Variants in TNS1 observed in about 807,000 individuals in gnomAD.
The protein encoded by TNS1 is tensin-1.
In TNS1, 62 loss-of-function variants were observed where a neutral mutation model predicts 168.6. The observed-to-expected ratio is 0.37, with a 90% CI of 0.30 to 0.45. The LOEUF (loss-of-function observed/expected upper bound fraction) is 0.45, where lower values mean the gene tolerates loss of function less well. TNS1 is among the 20% of genes least tolerant of loss of function. TNS1 has a pLI of 1.00. For synonymous variants in TNS1, 934 were observed against 933.2 expected, an observed-to-expected ratio of 1.00 and a Z score of -0.02; for missense variants, 2,240 against 2,339.4, an observed-to-expected ratio of 0.96 and a Z score of 0.88.
chr2:217,864,309 G>A (rs754943303), intron 18 of TNS1, among the ~76,000 whole-genome samples: 3 of 152,204 alleles, frequency 2.0e-5, no homozygotes, highest in Non-Finnish European at 2.9e-5. Context: ...GGGTAGAATG[G>A]AATGAGGCAG....
chr2:217,970,804 G>A (rs1957757134), intron 3 of TNS1, among the ~76,000 whole-genome samples: 1 of 151,970 alleles, frequency 6.6e-6, no homozygotes, highest in African/African-American at 2.4e-5. Context: ...TGACTGTGGT[G>A]ACAGTCACAC....
At chr2:218,012,883 G>T (rs552897197), upstream of TNS1, among the ~76,000 whole-genome samples, 159 of 152,132 alleles carry the variant, frequency 1.0e-3, no homozygotes, top group African/African-American at 3.6e-3. Context: ...GAGTTGGGTG[G>T]GGGGTTCTAA....
In TNS1 at chr2:217,886,086, C is replaced by A. The variant is rs374787049; in HGVS notation, c.998G>T (p.Arg333Leu). The change falls in exon 14 of 33, where the codon CGC (arginine) becomes CTC (leucine). Residue 333 changes from arginine (R) to leucine (L), a missense_variant. By Grantham distance (102) the Arg-to-Leu change is moderately radical. Around this residue, in one of 2 missense-constraint regions of TNS1, gnomAD observed 2,131 missense variants for 2,171.2 expected, o/e 0.98. Coordinates refer to ENST00000682258, the MANE Select transcript of TNS1 (RefSeq NM_001387777.1). ...ESKGGCRPFL[R>L]IYQAMQPVYT... ...CACAGGTTGCATGGCCTGGTAGATGCGGAGAAATGGCCGACATCCTGTAAA... is the reference window on the plus strand; with the variant it reads ...CACAGGTTGCATGGCCTGGTAGATGAGGAGAAATGGCCGACATCCTGTAAA... 4.3e-6 allele frequency: 7 copies of A among 1,613,454 alleles called. No homozygotes were observed. Among genetic ancestry groups the A allele is most frequent in the South Asian group, 1.1e-5 (1 of 91,042 alleles).
At chr2:217,904,442 A>C (rs1251457556) in intron 6 of TNS1, among the ~76,000 whole-genome samples, 1 of 152,138 alleles carries the variant, frequency 6.6e-6, no homozygotes, top group East Asian at 1.9e-4. Context: ...CCTGGAGCCA[A>C]CCCAACCTGA....
chr2:217,905,656 G>C (rs544881678), intron 6 of TNS1, among the ~76,000 whole-genome samples: 1 of 152,332 alleles, frequency 6.6e-6, no homozygotes, highest in Admixed American at 6.5e-5. Flanking sequence ...CGGTCAGAGA[G>C]GGGCAGGGAA....
In TNS1 at chr2:217,812,380, T is replaced by G. The variant is rs1342136962; in HGVS notation, c.5020A>C (p.Ile1674Leu). Residue 1674 changes from isoleucine (I) to leucine (L), a missense_variant, in exon 28 of 33, where the codon ATT becomes CTT. Transcript: ENST00000682258. ...IPLALPCKLV[I>L]PNRDPTDESK... Reference sequence around the variant, plus strand: ...CTCACGTTCCTACCTCGGTTTGGAATGACCAGCTTGCAAGGCAGGGCCAAT... The same window carrying G: ...CTCACGTTCCTACCTCGGTTTGGAAGGACCAGCTTGCAAGGCAGGGCCAAT... 6.2e-7 allele frequency: 1 copy of G among 1,613,922 alleles called. No homozygotes were observed. Among genetic ancestry groups the G allele is most frequent in the East Asian group, 2.2e-5 (1 of 44,884 alleles).
intron 19 of TNS1, among the ~76,000 whole-genome samples, chr2:217,839,286 C>T (rs1245745356): frequency 6.6e-6 from 1 of 152,120 alleles, no homozygotes; most frequent in Non-Finnish European, 1.5e-5. Context: ...GACCCTAACA[C>T]CCTATGTTCA....
chr2:217,809,170 GGGAT>G (rs66678720), intron 30 of TNS1, among the ~76,000 whole-genome samples: 12,981 of 44,630 alleles, frequency 0.29, 1,539 homozygotes, highest in African/African-American at 0.39. Flanking sequence ...AATAAATGCA[GGGAT>G]GGAGGCATGG....
At chr2:217,879,317 G>A in intron 18 of TNS1, 1 of 371,098 alleles carries the variant, frequency 2.7e-6, no homozygotes, top group South Asian at 1.9e-5. Context: ...AAATGTTCTT[G>A]TTAAAAATGC....
chr2:217,895,847 T>C (rs1471046851), intron 8 of TNS1, among the ~76,000 whole-genome samples: 1 of 151,962 alleles, frequency 6.6e-6, no homozygotes, highest in Non-Finnish European at 1.5e-5. Flanking sequence ...TGTCATCTCC[T>C]GGGGAGAAAA....
intron 18 of TNS1, among the ~76,000 whole-genome samples, chr2:217,868,134 A>T (rs1949445426): frequency 6.6e-6 from 1 of 152,250 alleles, no homozygotes; most frequent in South Asian, 2.1e-4. Context: ...AGCGAATGTG[A>T]CTGAGGACAG....
chr2:217,852,635 A>G (rs1045170079), intron 18 of TNS1, among the ~76,000 whole-genome samples: 1 of 152,202 alleles, frequency 6.6e-6, no homozygotes, highest in Non-Finnish European at 1.5e-5. Context: ...TGACTACCTG[A>G]TATCTCAGCC....
At chr2:217,824,490 G>A (rs925008061) in intron 22 of TNS1, among the ~76,000 whole-genome samples, 4 of 152,204 alleles carry the variant, frequency 2.6e-5, no homozygotes, top group Non-Finnish European at 4.4e-5. Context: ...GGATTCGGGG[G>A]ATGTAAGTAC....
chr2:217,956,166 T>TA (rs113598435), intron 3 of TNS1, among the ~76,000 whole-genome samples: 368 of 152,246 alleles, frequency 2.4e-3, no homozygotes, highest in African/African-American at 8.4e-3. Flanking sequence ...TTGGCTTGGT[T>TA]AAAAAGAATT....
At chr2:217,919,423 C>A (rs3791915) in intron 4 of TNS1, among the ~76,000 whole-genome samples, 1 of 152,246 alleles carries the variant, frequency 6.6e-6, no homozygotes, top group African/African-American at 2.4e-5. Flanking sequence ...CGGGACACAC[C>A]CACACACCTG....
intron 7 of TNS1, among the ~76,000 whole-genome samples, 160 bp from the exon 8 acceptor site, chr2:217,898,129 G>A (rs772235273): frequency 6.6e-6 from 1 of 152,248 alleles, no homozygotes; most frequent in Non-Finnish European, 1.5e-5. Flanking sequence ...GCTTCCTCTG[G>A]CAAGGCCAAT....
chr2:217,812,563 A>C, intron 27 of TNS1, 118 bp from the exon 28 acceptor site: 6 of 753,654 alleles, frequency 8.0e-6, no homozygotes, highest in Non-Finnish European at 4.3e-6. Context: ...CCTCTACCTC[A>C]ACCCACCACC....
chr2:217,836,184 G>A lies in TNS1; in HGVS notation c.3035C>T (p.Ala1012Val), dbSNP rs768237080. 2.5e-6 allele frequency: 4 copies of A among 1,612,660 alleles called. No individual in the cohort carries two copies. Among genetic ancestry groups the A allele is most frequent in the Non-Finnish European group, 3.4e-6 (4 of 1,179,296 alleles). The change falls in exon 20 of 33, where the codon GCA becomes GTA. Residue 1012 changes from alanine (A) to valine (V), a missense_variant. Physicochemically the swap from Ala to Val is moderately conservative, Grantham distance 64. This residue lies in a region of TNS1 where 2,131 missense variants were observed against 2,171.2 expected (regional missense o/e 0.98). Transcript: ENST00000682258. ...CCTCCGCAGAGGGGCTGGGGGCTCT[G>A]CAGGCTGCTTCTCCCGAGCCTGTAC... is the stretch of plus-strand genomic sequence containing the variant. The part of the protein sequence containing the change: ...AGVQAREKQP[A>V]EPPAPLRRRA...
At chr2:217,946,297 G>A (rs1957103702) in intron 3 of TNS1, among the ~76,000 whole-genome samples, 1 of 152,188 alleles carries the variant, frequency 6.6e-6, no homozygotes, top group Non-Finnish European at 1.5e-5. Flanking sequence ...GCCCTGACAT[G>A]CAGTGGGTCA....
Sources: gnomAD v4.1 joint callset for allele counts (sites outside exome capture counted in the v4.1 genomes callset) on GRCh38, gnomAD v4.1.1 for gene constraint, gnomAD v4.1.1 regional missense constraint, MANE v1.5 for transcripts, NCBI Gene and HGNC (gene_info 2026-07-23, HGNC 2026-07-21) for gene names.